LRFN5: variants seen among roughly 807,000 people sequenced by gnomAD.
LRFN5 encodes leucine-rich repeat and fibronectin type-III domain-containing protein 5.
In LRFN5, 24 loss-of-function variants were observed where a neutral mutation model predicts 45.6. The ratio of observed to expected loss-of-function variants is 0.53; its 90% CI spans 0.38 to 0.74. The LOEUF (loss-of-function observed/expected upper bound fraction) is 0.74, where lower values mean the gene tolerates loss of function less well. LRFN5 is among the 30% of genes least tolerant of loss of function. The pLI, the probability that LRFN5 is intolerant of heterozygous loss-of-function variation, is 0.00. For synonymous variants in LRFN5, 340 were observed against 313.8 expected (o/e 1.08, Z -0.88); for missense variants, 776 against 861.5 (o/e 0.90, Z 1.24).
At chr14:41,609,709 C>A (rs1293018801) in intron 1 of LRFN5, among the ~76,000 whole-genome samples, 1 of 152,134 alleles carries the variant, frequency 6.6e-6, no homozygotes, top group Non-Finnish European at 1.5e-5. Flanking sequence ...GTTTGTCTCC[C>A]GCCTTTGGGA....
At chr14:41,794,142 G>A (rs1029121267) in intron 2 of LRFN5, among the ~76,000 whole-genome samples, 2 of 151,884 alleles carry the variant, frequency 1.3e-5, no homozygotes, top group Non-Finnish European at 2.9e-5. Context: ...TAGCTCCAAA[G>A]AGCTGTCCAG....
chr14:41,842,921 A>G (rs1322030421), intron 2 of LRFN5, among the ~76,000 whole-genome samples: 1 of 152,058 alleles, frequency 6.6e-6, no homozygotes, highest in Non-Finnish European at 1.5e-5. Flanking sequence ...TCTCGAATGA[A>G]GTATTTGATC....
At chr14:41,756,741 C>A (rs1566655270) in intron 1 of LRFN5, among the ~76,000 whole-genome samples, 2 of 152,096 alleles carry the variant, frequency 1.3e-5, no homozygotes, top group Non-Finnish European at 1.5e-5. Flanking sequence ...TCGTCTGAAG[C>A]CTTCTTCTTT....
At chr14:41,778,890 C>T (rs1419917601) in intron 2 of LRFN5, among the ~76,000 whole-genome samples, 1 of 151,712 alleles carries the variant, frequency 6.6e-6, no homozygotes, top group African/African-American at 2.4e-5. Context: ...TTACTAATGG[C>T]AGGAGTTTTT....
intron 1 of LRFN5, among the ~76,000 whole-genome samples, chr14:41,635,752 G>C (rs1879276222): frequency 6.6e-6 from 1 of 152,026 alleles, no homozygotes; most frequent in African/African-American, 2.4e-5. Flanking sequence ...TGGGTATAAG[G>C]AACAGTCTCA....
At chr14:41,742,007 A>G (rs912125167) in intron 1 of LRFN5, among the ~76,000 whole-genome samples, 9 of 151,848 alleles carry the variant, frequency 5.9e-5, no homozygotes, top group African/African-American at 1.9e-4. Flanking sequence ...ACAAAAATTG[A>G]TAAGTGTTGG....
At chr14:41,621,904 C>CA (rs1299471785) in intron 1 of LRFN5, among the ~76,000 whole-genome samples, 6 of 151,974 alleles carry the variant, frequency 3.9e-5, no homozygotes, top group Non-Finnish European at 8.8e-5. Flanking sequence ...CAAAGGCTGA[C>CA]AGAGAAAGAC....
chr14:41,654,926 A>C (rs1880306677), intron 1 of LRFN5, among the ~76,000 whole-genome samples: 3 of 152,088 alleles, frequency 2.0e-5, no homozygotes, highest in Admixed American at 1.3e-4. Flanking sequence ...CTGCAACCAC[A>C]TGGCACAGGT....
chr14:41,747,320 C>A (rs2138835100), intron 1 of LRFN5, among the ~76,000 whole-genome samples: 1 of 135,352 alleles, frequency 7.4e-6, no homozygotes, highest in East Asian at 2.9e-4. Flanking sequence ...GATTTTGGTA[C>A]TGGCATAAAA....
At chr14:41,842,444 T>C (rs1888895021) in intron 2 of LRFN5, among the ~76,000 whole-genome samples, 1 of 152,138 alleles carries the variant, frequency 6.6e-6, no homozygotes, top group Non-Finnish European at 1.5e-5. Flanking sequence ...TAAAAAATGT[T>C]CTGTTAAAAC....
At chr14:41,755,060 T>A (rs1408177780) in intron 1 of LRFN5, among the ~76,000 whole-genome samples, 1 of 152,200 alleles carries the variant, frequency 6.6e-6, no homozygotes, top group Non-Finnish European at 1.5e-5. Context: ...TCAGTTTCCA[T>A]GTAGTTGAGC....
At chr14:41,722,612 G>A (rs938214480) in intron 1 of LRFN5, among the ~76,000 whole-genome samples, 7 of 148,208 alleles carry the variant, frequency 4.7e-5, no homozygotes, top group East Asian at 2.0e-4. Flanking sequence ...TCCCCACTCC[G>A]GGGTGTGATT....
At chr14:41,654,253 G>A (rs1241473018) in intron 1 of LRFN5, among the ~76,000 whole-genome samples, 1 of 151,934 alleles carries the variant, frequency 6.6e-6, no homozygotes, top group Non-Finnish European at 1.5e-5. Flanking sequence ...CTGAGTGAGG[G>A]TGGATTGGAG....
At chr14:41,786,825 T>G (rs767010431) in intron 2 of LRFN5, among the ~76,000 whole-genome samples, 8 of 151,958 alleles carry the variant, frequency 5.3e-5, no homozygotes, top group Non-Finnish European at 1.0e-4. Flanking sequence ...TTTCATTGTG[T>G]TGTTGTTATT....
At chr14:41,834,126 G>A (rs1594450161) in intron 2 of LRFN5, among the ~76,000 whole-genome samples, 1 of 152,086 alleles carries the variant, frequency 6.6e-6, no homozygotes. Context: ...AAAGCTGTCA[G>A]TAAGATTCCA....
At chr14:41,754,385 A>G (rs1345851928) in intron 1 of LRFN5, among the ~76,000 whole-genome samples, 1 of 152,036 alleles carries the variant, frequency 6.6e-6, no homozygotes, top group Non-Finnish European at 1.5e-5. Context: ...CTGTGAATCC[A>G]TCTGGTCCTG....
intron 2 of LRFN5, among the ~76,000 whole-genome samples, chr14:41,801,240 A>G (rs529023223): frequency 2.0e-4 from 31 of 152,108 alleles, no homozygotes; most frequent in African/African-American, 7.0e-4. Context: ...AAAAAATGGA[A>G]CAACAATCCT....
intron 2 of LRFN5, among the ~76,000 whole-genome samples, chr14:41,793,971 A>C (rs1388079255): frequency 6.6e-6 from 1 of 152,062 alleles, no homozygotes; most frequent in East Asian, 1.9e-4. Context: ...GAAACAAGGG[A>C]GTTATTATAG....
chr14:41,899,437 G>C (rs1239572098), intron 5 of LRFN5, among the ~76,000 whole-genome samples: 1 of 152,094 alleles, frequency 6.6e-6, no homozygotes, highest in Non-Finnish European at 1.5e-5. Flanking sequence ...TCTTTAAAAT[G>C]GAGCAAAAGA....
Sources: allele counts gnomAD v4.1 joint callset (sites outside exome capture counted in the v4.1 genomes callset), GRCh38; gene constraint gnomAD v4.1.1; transcripts MANE v1.5; gene names NCBI Gene and HGNC (gene_info 2026-07-23, HGNC 2026-07-21).